NAV3: variants seen among roughly 807,000 people sequenced by gnomAD.
The protein encoded by NAV3 is pore membrane and/or filament interacting like protein 1.
In NAV3, 87 loss-of-function variants were observed where a neutral mutation model predicts 244.7. The observed-to-expected ratio is 0.36, with a 90% CI of 0.30 to 0.42. NAV3 has a LOEUF of 0.42. Ranked by LOEUF, NAV3 falls within the 20% of genes least tolerant of loss-of-function variation. The pLI is 1.00. For missense variants in NAV3, 2,663 were observed against 2,893.3 expected, an observed-to-expected ratio of 0.92 and a Z score of 1.83; for synonymous variants, 1,126 against 1,042.2, an observed-to-expected ratio of 1.08 and a Z score of -1.55.
intron 11 of NAV3, chr12:78,052,282 C>T (rs1340823262): frequency 2.0e-5 from 3 of 152,120 alleles, no homozygotes; most frequent in Non-Finnish European, 2.9e-5. Flanking sequence ...TATCCCAATA[C>T]CTACTAGTCC....
At chr12:78,071,910 C>T (rs1356976904) in intron 12 of NAV3, among the ~76,000 whole-genome samples, 2 of 152,144 alleles carry the variant, frequency 1.3e-5, no homozygotes, top group East Asian at 3.8e-4. Context: ...TACATGGAAA[C>T]TGAACAACCT....
intron 2 of NAV3, among the ~76,000 whole-genome samples, chr12:77,594,109 A>G (rs1192479735): frequency 6.6e-6 from 1 of 152,208 alleles, no homozygotes; most frequent in East Asian, 1.9e-4. Context: ...AACAACAACA[A>G]AAAACCCTAA....
intron 2 of NAV3, among the ~76,000 whole-genome samples, chr12:77,694,734 T>C (rs1875213097): frequency 1.3e-5 from 2 of 152,170 alleles, no homozygotes; most frequent in African/African-American, 2.4e-5. Flanking sequence ...TTGTGAACAA[T>C]GTCAAGACTA....
At chr12:78,127,272 C>T (rs1433248269) in intron 17 of NAV3, 64 bp downstream of exon 17, 2 of 1,472,428 alleles carry the variant, frequency 1.4e-6, no homozygotes, top group Non-Finnish European at 9.4e-7. Flanking sequence ...TGTGCTGTCT[C>T]TCTTCCTTCT....
intron 1 of NAV3, among the ~76,000 whole-genome samples, chr12:77,865,227 G>A (rs1879824795): frequency 6.6e-6 from 1 of 152,062 alleles, no homozygotes; most frequent in Non-Finnish European, 1.5e-5. Flanking sequence ...TGTAGTTTAT[G>A]TAGATGTGTC....
At chr12:77,935,297 C>T (rs954375541) in intron 1 of NAV3, among the ~76,000 whole-genome samples, 5 of 151,934 alleles carry the variant, frequency 3.3e-5, no homozygotes, top group Non-Finnish European at 5.9e-5. Context: ...TTCTTCATAG[C>T]AGGTTCACTT....
Position 78,167,461 on chromosome 12 carries a change from A to C in NAV3, c.4870-1294A>C, listed in dbSNP as rs924408514. On this transcript the variant is annotated intron_variant, in intron 23 of 39. Coordinates refer to ENST00000397909, the MANE Select transcript of NAV3 (RefSeq NM_001024383.2). ...TGTCAGGTATCCGATGAAAATAGAT[A>C]TATGAGGTGCCAGGTATCTATTCCA... Among the ~76,000 whole-genome samples the C allele has an allele frequency of 2.0e-5, 3 of 151,608 alleles. No individual in the cohort carries two copies. The Admixed American group carries it at 2.0e-4, about 10-fold the overall frequency.
chr12:78,145,217 A>C (rs1956816442), intron 20 of NAV3: 1 of 162,564 alleles, frequency 6.2e-6, no homozygotes, highest in East Asian at 1.9e-4. Flanking sequence ...TATAAAGGCT[A>C]TTAGGATTCT....
chr12:77,874,392 T>A (rs1045670020), intron 1 of NAV3, among the ~76,000 whole-genome samples: 2 of 151,878 alleles, frequency 1.3e-5, no homozygotes, highest in Non-Finnish European at 2.9e-5. Context: ...CTAATTTTTT[T>A]TAAATTTTTT....
chr12:77,795,220 A>G (rs1241725554), intron 2 of NAV3, among the ~76,000 whole-genome samples: 1 of 152,184 alleles, frequency 6.6e-6, no homozygotes, highest in East Asian at 1.9e-4. Context: ...TACTGATTTG[A>G]AGAAAACTTT....
chr12:77,928,245 AGAG>A (rs1355031760), intron 1 of NAV3, among the ~76,000 whole-genome samples: 1 of 142,374 alleles, frequency 7.0e-6, no homozygotes, highest in East Asian at 2.1e-4. Context: ...AAAAAAAAAG[AGAG>A]AGAGGGAAGG....
intron 2 of NAV3, among the ~76,000 whole-genome samples, chr12:77,795,013 A>T (rs1341282939): frequency 1.3e-5 from 2 of 152,198 alleles, no homozygotes; most frequent in Admixed American, 6.5e-5. Flanking sequence ...GCGAGAGGAC[A>T]AGTCACATGC....
intron 22 of NAV3, among the ~76,000 whole-genome samples, chr12:78,152,017 A>G (rs1199685841): frequency 1.3e-5 from 2 of 151,714 alleles, no homozygotes; most frequent in East Asian, 1.9e-4. Flanking sequence ...TAAATCACCT[A>G]AAGATCTACG....
chr12:77,810,328 C>T (rs372322102), intron 2 of NAV3, among the ~76,000 whole-genome samples: 11 of 152,154 alleles, frequency 7.2e-5, no homozygotes, highest in East Asian at 3.9e-4. Flanking sequence ...CCCGCCACCA[C>T]GCCGGGCTAA....
At chr12:78,011,516 A>G (rs1875272953) in intron 8 of NAV3, among the ~76,000 whole-genome samples, 1 of 152,170 alleles carries the variant, frequency 6.6e-6, no homozygotes, top group Admixed American at 6.6e-5. Flanking sequence ...AGAAGTTAAG[A>G]TAAGGGTAAG....
chr12:78,150,629 CCTCACACACACACACA>C (rs1191613695), intron 22 of NAV3, among the ~76,000 whole-genome samples: 1 of 122,532 alleles, frequency 8.2e-6, no homozygotes, highest in Non-Finnish European at 1.7e-5. Context: ...GCAAAAGCTT[CCTCACACACACACACA>C]CACACACACA....
intron 2 of NAV3, among the ~76,000 whole-genome samples, chr12:77,682,110 G>T (rs1317395793): frequency 6.6e-6 from 1 of 151,816 alleles, no homozygotes; most frequent in African/African-American, 2.4e-5. Flanking sequence ...TGTGTTCTTT[G>T]ACCAACCCAC....
chr12:77,850,824 G>A (rs1046442489), intron 1 of NAV3, among the ~76,000 whole-genome samples: 3 of 152,104 alleles, frequency 2.0e-5, no homozygotes, highest in African/African-American at 7.2e-5. Context: ...GGTCCTTGCT[G>A]GTCTCTGCAG....
intron 1 of NAV3, among the ~76,000 whole-genome samples, chr12:77,832,951 G>GA (rs528000262): frequency 4.0e-5 from 6 of 151,814 alleles, no homozygotes; most frequent in Non-Finnish European, 8.8e-5. Context: ...ATAATTTAAG[G>GA]AAAAAACCTT....
Sources: gnomAD v4.1 joint callset for allele counts (sites outside exome capture counted in the v4.1 genomes callset) on GRCh38, gnomAD v4.1.1 for gene constraint, MANE v1.5 for transcripts, NCBI Gene and HGNC (gene_info 2026-07-23, HGNC 2026-07-21) for gene names.